EXOC6: variants seen among roughly 807,000 people sequenced by gnomAD.
The protein encoded by EXOC6 is exocyst complex component 6.
Under a neutral mutation model 112.5 loss-of-function variants are expected in EXOC6, and 60 were observed. That is an observed-to-expected ratio of 0.53 (90% CI 0.43 to 0.66). The LOEUF (loss-of-function observed/expected upper bound fraction) is 0.66. Among genes scored for constraint, EXOC6 ranks in the 30% least tolerant of loss-of-function variants. EXOC6 has a pLI of 0.00. For synonymous variants in EXOC6, 295 were observed against 308.0 expected (o/e 0.96, Z 0.44); for missense variants, 855 against 957.1 (o/e 0.89, Z 1.41).
chr10:92,980,895 C>T lies in EXOC6; in HGVS notation c.1953+6663C>T, dbSNP rs568858052. 4.6e-5 allele frequency among the ~76,000 whole-genome samples: 7 copies of T among 152,154 alleles called. No individual in the cohort carries two copies. In the South Asian group the frequency reaches 1.0e-3, roughly 23 times the overall value. On this transcript the variant is annotated intron_variant, in intron 18 of 21. Transcript: ENST00000260762. ...TCATTGTTTTAGCTGGGCATGGTGG[C>T]GGGCACCTGTAATTCCAGCTACTCG...
chr10:93,039,638 A>G (rs1845671214), intron 20 of EXOC6, among the ~76,000 whole-genome samples: 1 of 152,222 alleles, frequency 6.6e-6, no homozygotes, highest in South Asian at 2.1e-4. Flanking sequence ...CACATCCTTC[A>G]TCTGAGAAGA....
At chr10:92,983,331 G>A (rs1842890894) in intron 18 of EXOC6, among the ~76,000 whole-genome samples, 1 of 151,796 alleles carries the variant, frequency 6.6e-6, no homozygotes, top group African/African-American at 2.4e-5. Context: ...CCAGACTGCT[G>A]TTTTTCACTA....
At chr10:93,055,858 C>T (rs771392743) in intron 20 of EXOC6, among the ~76,000 whole-genome samples, 1 of 152,128 alleles carries the variant, frequency 6.6e-6, no homozygotes, top group Non-Finnish European at 1.5e-5. Flanking sequence ...AAGTTCTTTA[C>T]CTTCATCAAG....
At chr10:92,984,103 C>T (rs1842918647) in intron 18 of EXOC6, among the ~76,000 whole-genome samples, 1 of 152,062 alleles carries the variant, frequency 6.6e-6, no homozygotes, top group African/African-American at 2.4e-5. Context: ...CCATATTGTT[C>T]CCTTTACACA....
chr10:93,007,056 C>T (rs1844021126), intron 19 of EXOC6, among the ~76,000 whole-genome samples: 1 of 151,468 alleles, frequency 6.6e-6, no homozygotes, highest in Non-Finnish European at 1.5e-5. Flanking sequence ...ACATTGTAAA[C>T]AATCTACATT....
Position 92,909,555 on chromosome 10 carries a change from C to T in EXOC6, c.587C>T (p.Ser196Phe). ...PKLREDIKEI[S>F]MSDLKDFLES... ...CTCCGTGAGGATATTAAAGAAATCTCCATGTCTGATCTCAAAGACTTTTTG... is the reference window on the plus strand; with the variant it reads ...CTCCGTGAGGATATTAAAGAAATCTTCATGTCTGATCTCAAAGACTTTTTG... The change falls in exon 6 of 22, where the codon TCC becomes TTC. Residue 196 changes from serine (S) to phenylalanine (F), a missense_variant. Physicochemically the swap from Ser to Phe is radical, Grantham distance 155. This residue lies in a region of EXOC6 where 405 missense variants were observed against 393.6 expected (regional missense o/e 1.03). Transcript: ENST00000260762. 6.2e-7 allele frequency: 1 copy of T among 1,613,334 alleles called. No individual in the cohort carries two copies. Among genetic ancestry groups the T allele is most frequent in the Non-Finnish European group, 8.5e-7 (1 of 1,179,504 alleles).
At chr10:92,886,388 G>A (rs1343322212) in intron 1 of EXOC6, among the ~76,000 whole-genome samples, 2 of 152,164 alleles carry the variant, frequency 1.3e-5, no homozygotes, top group African/African-American at 4.8e-5. Flanking sequence ...CTATGCCTCA[G>A]TTATCATCCC....
intron 17 of EXOC6, among the ~76,000 whole-genome samples, chr10:92,973,791 G>A (rs1489155015): frequency 6.6e-6 from 1 of 151,886 alleles, no homozygotes; most frequent in South Asian, 2.1e-4. Flanking sequence ...AACAAGTCAG[G>A]AATTAATATC....
intron 18 of EXOC6, among the ~76,000 whole-genome samples, chr10:92,985,915 C>T (rs939361577): frequency 2.0e-5 from 3 of 151,916 alleles, no homozygotes; most frequent in East Asian, 1.9e-4. Context: ...TAAATTATGA[C>T]GTAGGCAGCT....
At chr10:92,987,825 A>G (rs1413736516) in intron 18 of EXOC6, among the ~76,000 whole-genome samples, 1 of 152,140 alleles carries the variant, frequency 6.6e-6, no homozygotes, top group Non-Finnish European at 1.5e-5. Flanking sequence ...GAAGCAGTCA[A>G]GATTCTCTGA....
At chr10:92,843,332 A>ATACATTGGC (rs1447006514) in intron 1 of EXOC6, among the ~76,000 whole-genome samples, 7 of 152,210 alleles carry the variant, frequency 4.6e-5, no homozygotes, top group African/African-American at 1.7e-4. Context: ...GACGGTGGAC[A>ATACATTGGC]TCTGAAACGA....
intron 18 of EXOC6, among the ~76,000 whole-genome samples, chr10:92,985,819 G>A (rs919037362): frequency 6.6e-6 from 1 of 152,098 alleles, no homozygotes; most frequent in Non-Finnish European, 1.5e-5. Context: ...GAAAAAGGTA[G>A]TAGTCAACAG....
chr10:92,876,450 G>A (rs554382324), intron 1 of EXOC6, among the ~76,000 whole-genome samples: 1 of 152,278 alleles, frequency 6.6e-6, no homozygotes, highest in East Asian at 1.9e-4. Context: ...CTCAGTAATT[G>A]GTAGAGGTAG....
intron 6 of EXOC6, among the ~76,000 whole-genome samples, chr10:92,911,901 T>TTCTCTC (rs113097452): frequency 5.7e-5 from 8 of 139,924 alleles, no homozygotes; most frequent in African/African-American, 2.2e-4. Context: ...TCTTGTGGGT[T>TTCTCTC]TCTCTCTCTC....
chr10:92,954,681 C>G lies in EXOC6; in HGVS notation c.1578C>G (p.Thr526=). The G allele has an allele frequency of 6.2e-7, 1 of 1,609,636 alleles. No individual in the cohort carries two copies. The highest frequency in any genetic ancestry group is 1.1e-5 in the South Asian group (1 of 90,532). ...GAAAATCAACAAATCTGCTGCTGACCAGAACTTTGAGTAGCTGTTTACTGA... is the reference window on the plus strand; with the variant it reads ...GAAAATCAACAAATCTGCTGCTGACGAGAACTTTGAGTAGCTGTTTACTGA... The part of the protein sequence containing the change: ...MLRKSTNLLL[T]RTLSSCLLNL... Residue 526 remains threonine, a synonymous_variant, in exon 16 of 22, where the codon ACC becomes ACG. Coordinates refer to ENST00000260762, the MANE Select transcript of EXOC6 (RefSeq NM_019053.6).
At chr10:92,863,678 C>T (rs998031337) in intron 1 of EXOC6, among the ~76,000 whole-genome samples, 3 of 151,744 alleles carry the variant, frequency 2.0e-5, no homozygotes, top group African/African-American at 4.8e-5. Context: ...TTTGGGAGGC[C>T]GAGGCAGGCG....
intron 1 of EXOC6, among the ~76,000 whole-genome samples, chr10:92,842,113 C>T (rs1309535968): frequency 2.6e-5 from 4 of 152,070 alleles, no homozygotes; most frequent in African/African-American, 9.7e-5. Context: ...GGAATCCCAC[C>T]ACTTTGGGAG....
chr10:93,020,178 C>G (rs1223776982), intron 20 of EXOC6, among the ~76,000 whole-genome samples: 1 of 151,986 alleles, frequency 6.6e-6, no homozygotes. Context: ...AGAACAAATC[C>G]TAAATTCTTT....
At chr10:92,915,561 C>T (rs1480448409) in intron 6 of EXOC6, among the ~76,000 whole-genome samples, 197 bp from the exon 7 acceptor site, 1 of 131,670 alleles carries the variant, frequency 7.6e-6, no homozygotes, top group Non-Finnish European at 1.6e-5. Context: ...AGAGTGAGAC[C>T]CTGATTTTTT....
Sources: allele counts gnomAD v4.1 joint callset (sites outside exome capture counted in the v4.1 genomes callset), GRCh38; gene constraint gnomAD v4.1.1; regional missense constraint gnomAD v4.1.1; transcripts MANE v1.5; gene names NCBI Gene and HGNC (gene_info 2026-07-23, HGNC 2026-07-21).